Variants in ACRV1 observed in about 807,000 individuals in gnomAD.
The protein encoded by ACRV1 is acrosomal protein SP-10.
In ACRV1, 17 loss-of-function variants were observed where a neutral mutation model predicts 29.2. That is an observed-to-expected ratio of 0.58 (90% CI 0.40 to 0.87). The LOEUF (loss-of-function observed/expected upper bound fraction) is 0.87. ACRV1 is among the 40% of genes least tolerant of loss of function. The probability of loss-of-function intolerance (pLI) is 0.00; values close to 1 mark genes in which losing one functional copy is unlikely to be tolerated. For missense variants in ACRV1, 294 were observed against 316.0 expected (o/e 0.93, Z 0.53); for synonymous variants, 98 against 111.6 (o/e 0.88, Z 0.77).
rs1031713492 is a variant in ACRV1, at chr11:125,672,447, A to G, written c.*146T>C. On this transcript the variant is annotated 3_prime_UTR_variant, in exon 4 of 4. Transcript: ENST00000533904. Reference sequence around the variant, plus strand: ...GATAAAAGCATGAATAGAAGAAGAAAGATAGGATGTTTGAGCATCCTAATG... The same window carrying G: ...GATAAAAGCATGAATAGAAGAAGAAGGATAGGATGTTTGAGCATCCTAATG... 14 of 873,476 alleles carry G rather than the reference A, an allele frequency of 1.6e-5. No homozygotes were observed. The highest frequency in any genetic ancestry group is 2.5e-5 in the East Asian group (1 of 40,532). The allele number at this position is 873,476 out of a possible 1,614,324, so 54.1% of individuals were successfully genotyped here.
Position 125,680,761 on chromosome 11 carries a change from A to T in ACRV1, c.20T>A (p.Leu7Gln). 6.2e-7 allele frequency: 1 copy of T among 1,613,900 alleles called. No individual in the cohort carries two copies. Among genetic ancestry groups the T allele is most frequent in the Non-Finnish European group, 8.5e-7 (1 of 1,179,830 alleles). Residue 7 changes from leucine to glutamine, a missense_variant, in exon 1 of 4, where the codon CTA becomes CAA. Physicochemically the swap from Leu to Gln is moderately radical, Grantham distance 113. Transcript: ENST00000533904. ...AGATCCAAGCAGATAAAGACTCATT[A>T]GCAAGAGAAACCTGTTCATCTGGAT... is the stretch of plus-strand genomic sequence containing the variant. MNRFLL[L>Q]MSLYLLGSAR... is the part of the protein sequence containing the mutation.
intron 2 of ACRV1, among the ~76,000 whole-genome samples, chr11:125,677,025 C>T (rs1458554645): frequency 1.3e-5 from 2 of 152,202 alleles, no homozygotes; most frequent in Non-Finnish European, 2.9e-5. Context: ...ACTGTCTCTA[C>T]TGCTAATCCC....
chr11:125,675,410 T>C (rs1383479243), intron 3 of ACRV1, among the ~76,000 whole-genome samples: 2 of 152,258 alleles, frequency 1.3e-5, no homozygotes, highest in African/African-American at 2.4e-5. Flanking sequence ...GTCATCTTTC[T>C]GTAGTTCATG....
intron 3 of ACRV1, among the ~76,000 whole-genome samples, chr11:125,675,343 A>G (rs1942448853): frequency 1.3e-5 from 2 of 151,796 alleles, no homozygotes; most frequent in South Asian, 4.2e-4. Flanking sequence ...CCCTTGTGAT[A>G]TTGTTTCTTA....
chr11:125,677,919 GGCT>G lies in ACRV1; in HGVS notation c.428_430del (p.Gln143del). On this transcript the variant is annotated inframe_deletion, in exon 2 of 4. Transcript: ENST00000533904. ...TTCACCGGAGCCATGTTCACCTGAA[GGCT>G]GTTCATCTGAAGGCTGTTCACCTGA... 1 of 1,614,054 alleles carries G rather than the reference GGCT, an allele frequency of 6.2e-7. No individual in the cohort carries two copies. The highest frequency in any genetic ancestry group is 1.1e-5 in the South Asian group (1 of 91,056).
intron 1 of ACRV1, 141 bp downstream of exon 1, chr11:125,680,588 G>A (rs746966859): frequency 8.4e-6 from 6 of 710,544 alleles, no homozygotes; most frequent in Admixed American, 2.4e-5. Flanking sequence ...GGAGCTCTCC[G>A]AGTTGGACTT....
rs866997914 is a variant in ACRV1 at position 125,672,706 on chromosome 11, G to GA, written c.684_685insT (p.Gln229SerfsTer8). ...TTCTCACACCCTTGAACCATGAATTGGAGTTTTCCACCTGAAAGGAGCAGA... is the reference window on the plus strand; with the variant it reads ...TTCTCACACCCTTGAACCATGAATTGAGAGTTTTCCACCTGAAAGGAGCAGA... On this transcript the variant is annotated frameshift_variant, in exon 4 of 4. Coordinates refer to ENST00000533904, the MANE Select transcript of ACRV1 (RefSeq NM_001612.6). LOFTEE classifies it high-confidence loss of function. 1.2e-6 allele frequency: 2 copies of GA among 1,613,960 alleles called. No individual in the cohort carries two copies. The highest frequency in any genetic ancestry group is 2.7e-5 in the African/African-American group (2 of 74,912).
intron 2 of ACRV1, among the ~76,000 whole-genome samples, chr11:125,677,581 T>G (rs1942571914): frequency 6.6e-6 from 1 of 152,130 alleles, no homozygotes; most frequent in Non-Finnish European, 1.5e-5. Flanking sequence ...TTTGTTTTAT[T>G]TTTCTTATAG....
intron 1 of ACRV1, among the ~76,000 whole-genome samples, chr11:125,679,232 T>TTTTTTTTTTTTTTTTTTTTTTTTAA (rs1591440209): frequency 6.7e-6 from 1 of 148,604 alleles, no homozygotes; most frequent in African/African-American, 2.5e-5. Flanking sequence ...TTTTTTTTGT[T>TTTTTTTTTTTTTTTTTTTTTTTTAA]TCAAAGATAG....
chr11:125,679,460 C>T lies in ACRV1; in HGVS notation c.53-1163G>A, dbSNP rs549351068. 2.6e-5 allele frequency among the ~76,000 whole-genome samples: 4 copies of T among 152,194 alleles called. No homozygotes were observed. The East Asian group carries it at 5.8e-4, about 22-fold the overall frequency. On this transcript the variant is annotated intron_variant, in intron 1 of 3. Transcript: ENST00000533904. ...CTTGAACTCCTGACCTCAAGTGATC[C>T]GCCCGCCTCAGCCTCCCAAAATGCT...
chr11:125,674,229 G>A (rs1220102684), intron 3 of ACRV1, among the ~76,000 whole-genome samples: 6 of 152,164 alleles, frequency 3.9e-5, no homozygotes, highest in Admixed American at 3.9e-4. Flanking sequence ...CAAGAGCTGA[G>A]AGAGATAAAA....
intron 2 of ACRV1, among the ~76,000 whole-genome samples, chr11:125,677,237 A>G (rs887694033): frequency 6.6e-6 from 1 of 152,270 alleles, no homozygotes; most frequent in African/African-American, 2.4e-5. Context: ...TGAGGCATCA[A>G]ACTTTGGGTC....
At position 125,677,981 on chromosome 11, in the gene ACRV1, G is replaced by A. The variant is rs142871137; in HGVS notation, c.369C>T (p.His123=). The A allele has an allele frequency of 8.7e-6, 14 of 1,612,492 alleles. No homozygotes were observed. In the East Asian group the frequency reaches 2.7e-4, roughly 31 times the overall value. ...CACTCAAAGGCTGTTCTCCGGAGAG[G>A]TGTTCACCTGAAGGCTGTTCTCCTG... The part of the protein sequence containing the change: ...QPSGEQPSGE[H]LSGEQPLSEL... Residue 123 remains histidine (H), a synonymous_variant, in exon 2 of 4, where the codon CAC becomes CAT. Coordinates refer to ENST00000533904, the MANE Select transcript of ACRV1 (RefSeq NM_001612.6).
chr11:125,679,940 T>C (rs571548639), intron 1 of ACRV1, among the ~76,000 whole-genome samples: 1 of 152,356 alleles, frequency 6.6e-6, no homozygotes, highest in African/African-American at 2.4e-5. Flanking sequence ...ACACAAGTTT[T>C]GATAAAGAGA....
intron 3 of ACRV1, among the ~76,000 whole-genome samples, chr11:125,673,858 T>C (rs1266609998): frequency 6.6e-6 from 1 of 152,142 alleles, no homozygotes; most frequent in East Asian, 1.9e-4. Context: ...GTCACTCGGT[T>C]TCCATTTATC....
intron 3 of ACRV1, among the ~76,000 whole-genome samples, chr11:125,674,459 G>C (rs1211034787): frequency 6.6e-6 from 1 of 152,192 alleles, no homozygotes. Flanking sequence ...ATGAAAACAT[G>C]AAACTGTTCA....
intron 2 of ACRV1, among the ~76,000 whole-genome samples, chr11:125,676,834 A>G (rs1942534891): frequency 6.6e-6 from 1 of 152,196 alleles, no homozygotes; most frequent in African/African-American, 2.4e-5. Context: ...TGTACTCCCC[A>G]TCATACTCTC....
At chr11:125,678,395 G>A (rs878912415) in intron 1 of ACRV1, 98 bp from the exon 2 acceptor site, 2 of 1,416,374 alleles carry the variant, frequency 1.4e-6, no homozygotes, top group South Asian at 2.8e-5. Context: ...GAGACTCCTA[G>A]GTTTCCTATG....
chr11:125,676,101 T>C (rs1942493463), intron 3 of ACRV1: 7 of 334,382 alleles, frequency 2.1e-5, no homozygotes, highest in Non-Finnish European at 3.4e-5. Flanking sequence ...AGAGATGGGG[T>C]TTTTTCATGT....
Sources: gnomAD v4.1 joint callset for allele counts (sites outside exome capture counted in the v4.1 genomes callset) on GRCh38, gnomAD v4.1.1 for gene constraint, MANE v1.5 for transcripts, NCBI Gene and HGNC (gene_info 2026-07-23, HGNC 2026-07-21) for gene names.